RGS6: variants seen among roughly 807,000 people sequenced by gnomAD.
RGS6 encodes regulator of G protein signaling 6.
RGS6 carries 30 observed loss-of-function variants against 78.5 expected under a neutral mutation model. The observed-to-expected ratio is 0.38, with a 90% confidence interval of 0.29 to 0.52. RGS6 has a LOEUF of 0.52. Ranked by LOEUF, RGS6 falls within the 20% of genes least tolerant of loss-of-function variation. The pLI is 0.85. For synonymous variants in RGS6, 206 were observed against 206.0 expected, an observed-to-expected ratio of 1.00 and a Z score of 0.00; for missense variants, 495 against 609.7, an observed-to-expected ratio of 0.81 and a Z score of 1.98.
At chr14:72,555,460 A>T (rs779347417) in intron 17 of RGS6, among the ~76,000 whole-genome samples, 8 of 152,220 alleles carry the variant, frequency 5.3e-5, no homozygotes, top group Non-Finnish European at 1.2e-4. Context: ...CCTGCCTGAG[A>T]TAAGCTCAAG....
At chr14:72,220,686 C>T (rs1288009241) in intron 2 of RGS6, among the ~76,000 whole-genome samples, 2 of 152,260 alleles carry the variant, frequency 1.3e-5, no homozygotes, top group African/African-American at 2.4e-5. Context: ...AAAACAGGCT[C>T]AAGGTTTTAA....
intron 17 of RGS6, among the ~76,000 whole-genome samples, chr14:72,554,664 T>G (rs2097546917): frequency 6.6e-6 from 1 of 151,032 alleles, no homozygotes; most frequent in Non-Finnish European, 1.5e-5. Flanking sequence ...CCACCCTCAT[T>G]CCACTCCTGA....
intron 2 of RGS6, among the ~76,000 whole-genome samples, chr14:72,033,358 C>A (rs566610764): frequency 6.6e-6 from 1 of 152,056 alleles, no homozygotes; most frequent in Non-Finnish European, 1.5e-5. Context: ...CTCAACCTCC[C>A]GAGTAGCTGG....
In RGS6 at chr14:72,457,026, A is replaced by G. The variant is rs138580324; in HGVS notation, c.236-1245A>G. The stretch of plus-strand genomic sequence containing the variant: ...TTGAGCCCAGGAGTTCAAGTCTGCA[A>G]TGAGCTGTGATCATGCCACTGCACT... On this transcript the variant is annotated intron_variant, in intron 4 of 17. Coordinates refer to ENST00000553525, the MANE Select transcript of RGS6 (RefSeq NM_001204424.2). 2.9e-3 allele frequency among the ~76,000 whole-genome samples: 436 copies of G among 150,464 alleles called. 2 individuals are homozygous for G. The highest frequency in any genetic ancestry group is 9.9e-3 in the African/African-American group (403 of 40,900).
At chr14:72,443,549 C>T (rs1355933534) in intron 3 of RGS6, among the ~76,000 whole-genome samples, 1 of 152,142 alleles carries the variant, frequency 6.6e-6, no homozygotes, top group African/African-American at 2.4e-5. Context: ...GAAAGATGAC[C>T]CCTTGCCTCT....
At chr14:72,077,717 T>G (rs2094635751) in intron 2 of RGS6, among the ~76,000 whole-genome samples, 1 of 152,244 alleles carries the variant, frequency 6.6e-6, no homozygotes, top group South Asian at 2.1e-4. Context: ...TTCTGCCCTT[T>G]TGCTAAACAA....
At chr14:72,221,480 G>A (rs1157893206) in intron 2 of RGS6, among the ~76,000 whole-genome samples, 1 of 152,014 alleles carries the variant, frequency 6.6e-6, no homozygotes, top group Non-Finnish European at 1.5e-5. Context: ...TTACTGCGTG[G>A]GCTTGGTCAC....
At chr14:72,302,681 T>TAC (rs34627833) in intron 2 of RGS6, among the ~76,000 whole-genome samples, 10,927 of 147,778 alleles carry the variant, frequency 0.074, 881 homozygotes, top group African/African-American at 0.21. Context: ...CACATACACA[T>TAC]ACACACACAC....
At chr14:72,122,732 A>T (rs1240229389) in intron 2 of RGS6, among the ~76,000 whole-genome samples, 1 of 144,722 alleles carries the variant, frequency 6.9e-6, no homozygotes, top group African/African-American at 2.6e-5. Flanking sequence ...TCTGGGTTCT[A>T]AGTTATCGTT....
chr14:72,362,179 A>G (rs1393831540), intron 3 of RGS6, among the ~76,000 whole-genome samples: 1 of 152,164 alleles, frequency 6.6e-6, no homozygotes, highest in Non-Finnish European at 1.5e-5. Flanking sequence ...CCTGCTCTTA[A>G]AAAGCTATTA....
chr14:71,980,316 G>A (rs977807617), intron 2 of RGS6, among the ~76,000 whole-genome samples: 1 of 134,000 alleles, frequency 7.5e-6, no homozygotes, highest in Non-Finnish European at 1.6e-5. Flanking sequence ...GATGTTAGCT[G>A]GTGATTTTGC....
chr14:72,057,168 G>T (rs1212607913), intron 2 of RGS6, among the ~76,000 whole-genome samples: 1 of 151,982 alleles, frequency 6.6e-6, no homozygotes, highest in East Asian at 1.9e-4. Flanking sequence ...ACAAAAATTA[G>T]CTGGGTGTGG....
intron 2 of RGS6, among the ~76,000 whole-genome samples, chr14:72,169,005 C>A (rs975816890): frequency 6.6e-6 from 1 of 152,218 alleles, no homozygotes; most frequent in Non-Finnish European, 1.5e-5. Flanking sequence ...TCCACCTGCC[C>A]ACCCCCACTG....
At chr14:72,576,961 T>G in the RGS6 span, among the ~76,000 whole-genome samples, 1 of 152,218 alleles carries the variant, frequency 6.6e-6, no homozygotes, top group Non-Finnish European at 1.5e-5. Flanking sequence ...TTGCCTCTGC[T>G]CAGAGAACTC....
At chr14:72,351,355 T>G (rs1271364706) in intron 2 of RGS6, among the ~76,000 whole-genome samples, 1 of 152,190 alleles carries the variant, frequency 6.6e-6, no homozygotes, top group African/African-American at 2.4e-5. Context: ...TTTAGGCACC[T>G]ACACCCTCAT....
At chr14:72,573,331 G>A in the RGS6 span, among the ~76,000 whole-genome samples, 3 of 152,214 alleles carry the variant, frequency 2.0e-5, no homozygotes, top group Non-Finnish European at 4.4e-5. Flanking sequence ...GATGGAGAGT[G>A]GGAAGACTTG....
chr14:72,175,739 G>A (rs1468632099), intron 2 of RGS6, among the ~76,000 whole-genome samples: 2 of 152,194 alleles, frequency 1.3e-5, no homozygotes, highest in African/African-American at 4.8e-5. Flanking sequence ...AGACTCCTAG[G>A]GTCAGCACAG....
At chr14:71,971,724 C>G (rs925890849) in intron 2 of RGS6, among the ~76,000 whole-genome samples, 1 of 152,134 alleles carries the variant, frequency 6.6e-6, no homozygotes, top group African/African-American at 2.4e-5. Flanking sequence ...ATTATGGTTT[C>G]GTCTGAAGTC....
At chr14:72,413,977 C>G (rs535568110) in intron 3 of RGS6, among the ~76,000 whole-genome samples, 2 of 152,304 alleles carry the variant, frequency 1.3e-5, no homozygotes, top group East Asian at 3.9e-4. Context: ...GGTAACCCGA[C>G]CTTTCTCTCT....
Sources: allele counts gnomAD v4.1 joint callset (sites outside exome capture counted in the v4.1 genomes callset), GRCh38; gene constraint gnomAD v4.1.1; transcripts MANE v1.5; gene names NCBI Gene and HGNC (gene_info 2026-07-23, HGNC 2026-07-21).